The following MGAM variants were observed in gnomAD, a reference collection of about 807,000 sequenced individuals.
The protein encoded by MGAM is alpha-1,4-glucosidase.
Under a neutral mutation model 358.8 loss-of-function variants are expected in MGAM, and 253 were observed. The ratio of observed to expected loss-of-function variants is 0.71; its 90% CI spans 0.64 to 0.78. MGAM has a LOEUF of 0.78. Among genes scored for constraint, MGAM ranks in the 30% least tolerant of loss-of-function variants. The pLI is 0.00. For missense variants in MGAM, 3,080 were observed against 3,432.6 expected, an observed-to-expected ratio of 0.90 and a Z score of 2.57; for synonymous variants, 1,105 against 1,227.1, an observed-to-expected ratio of 0.90 and a Z score of 2.08.
In MGAM at chr7:142,019,270, C is replaced by T. The variant is rs1554457535; in HGVS notation, c.399C>T (p.Ser133=). The change falls in exon 4 of 71, where the codon TCC becomes TCT. Residue 133 remains serine (S), a synonymous_variant. Transcript: ENST00000475668. ...TAAGTGTTCCCTGGTGCTACTATTC[C>T]AAGAATCATAGCTACCATGTAGAGG... ...GAVSVPWCYY[S]KNHSYHVEGN... The T allele has an allele frequency of 2.5e-6, 4 of 1,613,376 alleles. No homozygotes were observed. The highest frequency in any genetic ancestry group is 1.3e-5 in the African/African-American group (1 of 74,894).
rs529600996 is a variant in MGAM, at chr7:142,082,088, C to T, written c.6049C>T (p.Arg2017Cys). 220 of 1,555,704 alleles carry T rather than the reference C, an allele frequency of 1.4e-4. 23 individuals carry two copies. In the South Asian group the frequency reaches 1.9e-3, roughly 14 times the overall value. The change falls in exon 51 of 71, where the codon CGC becomes TGC. Residue 2017 changes from arginine to cysteine, a missense_variant. Physicochemically the swap from Arg to Cys is radical, Grantham distance 180. Transcript: ENST00000475668. ...LGFTFNDMFI[R>C]ISTRLPSKYL... Reference sequence around the variant, plus strand: ...CTTCACCTTCAATGACATGTTTATCCGCATCTCCACCCGCCTTCCCTCCAA... The same window carrying T: ...CTTCACCTTCAATGACATGTTTATCTGCATCTCCACCCGCCTTCCCTCCAA...
In MGAM at chr7:142,094,797, T is replaced by C. The variant is rs765173923; in HGVS notation, c.7392T>C (p.Cys2464=). The change falls in exon 63 of 71, where the codon TGT becomes TGC. Residue 2464 remains cysteine (C), a synonymous_variant. Transcript: ENST00000475668. ...TTCAAGATGCTGAATATGAGATGTG[T>C]GTTCGCTGGATGCAGCTGGGGGCCT... ...GFFQDAEYEM[C]VRWMQLGAFY... 4.3e-6 allele frequency: 7 copies of C among 1,613,710 alleles called. No individual in the cohort carries two copies. In the Admixed American group the frequency reaches 5.0e-5, roughly 12 times the overall value.
At chr7:142,063,406 T>C (rs752590051) in intron 35 of MGAM, 93 bp from the exon 36 acceptor site, 1 of 1,440,100 alleles carries the variant, frequency 6.9e-7, no homozygotes, top group Non-Finnish European at 9.5e-7. Context: ...GATTACTGGA[T>C]GTTGAACAAT....
At chr7:142,097,499 C>A in intron 65 of MGAM, 94 bp from the exon 66 acceptor site, 3 of 1,247,120 alleles carry the variant, frequency 2.4e-6, no homozygotes, top group Non-Finnish European at 3.5e-6. Flanking sequence ...GGGCCCAAGG[C>A]CATCACAATT....
At position 142,079,136 on chromosome 7, in the gene MGAM, A is replaced by G. The variant is rs2960737; in HGVS notation, c.5847+128A>G. On this transcript the variant is annotated intron_variant, in intron 49 of 70. Coordinates refer to ENST00000475668, the MANE Select transcript of MGAM (RefSeq NM_001365693.1). ...ATTAGACTATGTCATTATCCAGAGAACATTGAGAAATCATTGAGGGAACAA... is the reference window on the plus strand; with the variant it reads ...ATTAGACTATGTCATTATCCAGAGAGCATTGAGAAATCATTGAGGGAACAA... 18 of 893,834 alleles carry G rather than the reference A, an allele frequency of 2.0e-5. 1 individual carries two copies. Among genetic ancestry groups the G allele is most frequent in the African/African-American group, 8.1e-5 (5 of 61,706 alleles). The allele number at this position is 893,834 out of a possible 1,614,324, so 55.4% of individuals were successfully genotyped here. A position where few individuals can be genotyped will look rare whatever the true frequency, so the allele number is the denominator to read the frequency against.
chr7:142,093,021 C>T (rs1815543707), intron 59 of MGAM, among the ~76,000 whole-genome samples: 2 of 146,468 alleles, frequency 1.4e-5, no homozygotes, highest in African/African-American at 4.9e-5. Context: ...AAATTGTTCT[C>T]TCTAGGAGTT....
intron 3 of MGAM, among the ~76,000 whole-genome samples, chr7:142,018,164 C>T (rs1173038633): frequency 6.6e-6 from 1 of 152,230 alleles, no homozygotes; most frequent in Non-Finnish European, 1.5e-5. Context: ...CTCAGTGTCT[C>T]TTGGAAGGCT....
At chr7:142,036,094 G>A in intron 16 of MGAM, 75 bp from the exon 17 acceptor site, 1 of 1,104,804 alleles carries the variant, frequency 9.1e-7, no homozygotes, top group Non-Finnish European at 1.3e-6. Flanking sequence ...GTTCAGTTGG[G>A]AGGTCCCTGG....
intron 3 of MGAM, among the ~76,000 whole-genome samples, chr7:142,009,278 T>C (rs1050063396): frequency 8.5e-5 from 13 of 152,172 alleles, no homozygotes; most frequent in African/African-American, 1.2e-4. Context: ...GCCCAGTGTT[T>C]CTAGATTATC....
At chr7:142,053,094 T>C (rs1314215293) in intron 26 of MGAM, 110 bp downstream of exon 26, 2 of 1,189,944 alleles carry the variant, frequency 1.7e-6, no homozygotes, top group South Asian at 1.4e-5. Context: ...TACAACAGAC[T>C]ATATCATTAT....
Position 142,078,116 on chromosome 7 carries a change from T to C in MGAM, c.5494-202T>C, listed in dbSNP as rs1268535943. 2.7e-5 allele frequency among the ~76,000 whole-genome samples: 4 copies of C among 145,674 alleles called. 1 individual carries two copies. Among genetic ancestry groups the C allele is most frequent in the African/African-American group, 9.7e-5 (4 of 41,048 alleles). ...TGTACAAGATTCTGCTAGAGGGGAG[T>C]CATATGCCCTGTTACTGCTAAATAG... On this transcript the variant is annotated intron_variant, in intron 47 of 70. Coordinates refer to ENST00000475668, the MANE Select transcript of MGAM (RefSeq NM_001365693.1).
chr7:142,030,544 T>C lies in MGAM; in HGVS notation c.1353+51T>C, dbSNP rs1554462966. 4 of 1,610,780 alleles carry C rather than the reference T, an allele frequency of 2.5e-6. No homozygotes were observed. In the Admixed American group the frequency reaches 5.0e-5, roughly 20 times the overall value. Reference sequence around the variant, plus strand: ...ATTAGGTATTTGCTCCTCCGTATCATACACCCATCTCTCCTGCTTTCTCCC... The same window carrying C: ...ATTAGGTATTTGCTCCTCCGTATCACACACCCATCTCTCCTGCTTTCTCCC... On this transcript the variant is annotated intron_variant, in intron 11 of 70. Transcript: ENST00000475668.
chr7:142,095,237 G>GT (rs1815787805), intron 63 of MGAM, among the ~76,000 whole-genome samples: 1 of 152,152 alleles, frequency 6.6e-6, no homozygotes, highest in Non-Finnish European at 1.5e-5. Flanking sequence ...GTGAGCCACT[G>GT]CACCCTTATA....
chr7:142,055,714 C>T lies in MGAM; in HGVS notation c.3471C>T (p.Asp1157=). The part of the protein sequence containing the change: ...EWHTWGMFSR[D]QPPGYKKNSY... ...ACACTTGGGGGATGTTCTCCCGAGA[C>T]CAGCCCCCAGGGGTAAGGACAGAGC... The change falls in exon 28 of 71, where the codon GAC becomes GAT. Residue 1157 remains aspartate (D), a synonymous_variant. Coordinates refer to ENST00000475668, the MANE Select transcript of MGAM (RefSeq NM_001365693.1). 1 of 1,613,914 alleles carries T rather than the reference C, an allele frequency of 6.2e-7. No homozygotes were observed. The highest frequency in any genetic ancestry group is 1.1e-5 in the South Asian group (1 of 91,070).
At chr7:142,045,833 A>G (rs192947998) in intron 21 of MGAM, among the ~76,000 whole-genome samples, 32 of 114,178 alleles carry the variant, frequency 2.8e-4, no homozygotes, top group African/African-American at 1.0e-3. Flanking sequence ...TATATATTAT[A>G]TATACATACA....
At position 142,083,258 on chromosome 7, in the gene MGAM, G is replaced by C; in HGVS notation, c.6269-43G>C. 3 of 1,410,360 alleles carry C rather than the reference G, an allele frequency of 2.1e-6. 1 individual carries two copies. The highest frequency in any genetic ancestry group is 3.0e-6 in the Non-Finnish European group (3 of 1,013,950). The allele number at this position is 1,410,360 out of a possible 1,614,324, so 87.4% of individuals were successfully genotyped here. A position where few individuals can be genotyped will look rare whatever the true frequency, so the allele number is the denominator to read the frequency against. On this transcript the variant is annotated intron_variant, in intron 52 of 70. Transcript: ENST00000475668. ...GTGGATTTCAGGGGTGATTCATGAC[G>C]TGGAAAGTTTCCAGCTTGATTAGCA...
intron 10 of MGAM, among the ~76,000 whole-genome samples, chr7:142,029,364 G>GAA (rs11387547): frequency 1.3e-5 from 2 of 151,130 alleles, no homozygotes; most frequent in African/African-American, 2.4e-5. Flanking sequence ...AGTCTTGAGG[G>GAA]AAAAAAAAGG....
chr7:141,992,072 T>C (rs1254715808), upstream of MGAM, among the ~76,000 whole-genome samples: 2 of 152,216 alleles, frequency 1.3e-5, no homozygotes, highest in Middle Eastern at 3.2e-3. Context: ...TTGGCATATT[T>C]GAATGGGCCT....
chr7:142,041,436 T>A (rs2129012159), intron 21 of MGAM, among the ~76,000 whole-genome samples: 1 of 152,162 alleles, frequency 6.6e-6, no homozygotes, highest in East Asian at 1.9e-4. Context: ...ATGGAAAATA[T>A]CCCTGAATCC....
Sources: gnomAD v4.1 joint callset for allele counts (sites outside exome capture counted in the v4.1 genomes callset) on GRCh38, gnomAD v4.1.1 for gene constraint, MANE v1.5 for transcripts, NCBI Gene and HGNC (gene_info 2026-07-23, HGNC 2026-07-21) for gene names.